Variants in NEO1 observed in about 807,000 individuals in gnomAD.
NEO1 encodes the protein neogenin 1, also known as neogenin.
In NEO1, 63 loss-of-function variants were observed where a neutral mutation model predicts 159.7. That is an observed-to-expected ratio of 0.39 (90% CI 0.32 to 0.49). NEO1 has a LOEUF of 0.49. Ranked by LOEUF, NEO1 falls within the 20% of genes least tolerant of loss-of-function variation. The pLI, the probability that NEO1 is intolerant of heterozygous loss-of-function variation, is 0.85. For synonymous variants in NEO1, 633 were observed against 662.0 expected (o/e 0.96, Z 0.67); for missense variants, 1,615 against 1,831.0 (o/e 0.88, Z 2.15).
chr15:73,230,110 G>C (rs2038819557), intron 7 of NEO1, among the ~76,000 whole-genome samples: 1 of 152,154 alleles, frequency 6.6e-6, no homozygotes, highest in South Asian at 2.1e-4. Flanking sequence ...AAAAGTTTGT[G>C]AAGGATTAGT....
At chr15:73,215,395 G>C (rs2150717744) in intron 7 of NEO1, among the ~76,000 whole-genome samples, 1 of 152,288 alleles carries the variant, frequency 6.6e-6, no homozygotes, top group South Asian at 2.1e-4. Context: ...TCCCCATTCA[G>C]TATTATATTG....
At chr15:73,136,635 ACTGCAAGGGTAGTTGTT>A (rs1156455601) in intron 5 of NEO1, among the ~76,000 whole-genome samples, 1 of 152,028 alleles carries the variant, frequency 6.6e-6, no homozygotes. Context: ...TCTGATAATC[ACTGCAAGGGTAGTTGTT>A]CTTCCTTTTT....
intron 16 of NEO1, among the ~76,000 whole-genome samples, chr15:73,266,661 A>G (rs1271509684): frequency 6.6e-6 from 1 of 152,014 alleles, no homozygotes; most frequent in Non-Finnish European, 1.5e-5. Context: ...TTAATCTGTT[A>G]GGATGTGGAA....
At chr15:73,284,161 A>AG (rs1418160985) in intron 23 of NEO1, among the ~76,000 whole-genome samples, 2 of 136,336 alleles carry the variant, frequency 1.5e-5, no homozygotes, top group Non-Finnish European at 3.3e-5. Flanking sequence ...CAAAATAGAT[A>AG]GAAAAAAAAA....
intron 26 of NEO1, among the ~76,000 whole-genome samples, chr15:73,296,744 C>G (rs1030057195): frequency 6.6e-6 from 1 of 152,068 alleles, no homozygotes; most frequent in Non-Finnish European, 1.5e-5. Context: ...ATCTGATAAC[C>G]GAGACAGCTA....
At chr15:73,243,315 C>A (rs1305564307) in intron 8 of NEO1, among the ~76,000 whole-genome samples, 1 of 152,112 alleles carries the variant, frequency 6.6e-6, no homozygotes, top group African/African-American at 2.4e-5. Context: ...TAGACCTACA[C>A]AAATTTTAAT....
intron 1 of NEO1, among the ~76,000 whole-genome samples, chr15:73,068,337 C>CAGCCTCCA (rs55997708): frequency 6.6e-6 from 1 of 150,754 alleles, no homozygotes; most frequent in Non-Finnish European, 1.5e-5. Context: ...TTCTAGTGCC[C>CAGCCTCCA]AATAGCTGGG....
chr15:73,134,643 C>T (rs1485674186), intron 4 of NEO1, among the ~76,000 whole-genome samples: 7 of 151,748 alleles, frequency 4.6e-5, no homozygotes, highest in South Asian at 2.1e-4. Flanking sequence ...CTCCGCTTCC[C>T]GGGTTCAAGC....
At chr15:73,074,902 A>G (rs1431143930) in intron 1 of NEO1, among the ~76,000 whole-genome samples, 1 of 152,208 alleles carries the variant, frequency 6.6e-6, no homozygotes, top group African/African-American at 2.4e-5. Context: ...TGATCATGAG[A>G]ACATGTTCCT....
At chr15:73,123,063 A>G (rs973333565) in intron 3 of NEO1, among the ~76,000 whole-genome samples, 3 of 151,946 alleles carry the variant, frequency 2.0e-5, no homozygotes, top group Non-Finnish European at 4.4e-5. Flanking sequence ...AGGCTGAGGA[A>G]GGAGAATTAC....
chr15:73,224,286 T>G (rs2150777305), intron 7 of NEO1, among the ~76,000 whole-genome samples: 1 of 152,306 alleles, frequency 6.6e-6, no homozygotes, highest in East Asian at 1.9e-4. Context: ...GACAGTGTGC[T>G]TAGGTGATGA....
intron 5 of NEO1, among the ~76,000 whole-genome samples, chr15:73,169,941 G>A (rs1948702686): frequency 6.6e-6 from 1 of 151,988 alleles, no homozygotes; most frequent in African/African-American, 2.4e-5. Flanking sequence ...GGTAAAGGAG[G>A]AAATAGGATG....
intron 25 of NEO1, among the ~76,000 whole-genome samples, chr15:73,291,127 G>T (rs893875043): frequency 6.6e-6 from 1 of 152,124 alleles, no homozygotes; most frequent in East Asian, 1.9e-4. Flanking sequence ...CCCTGGATGG[G>T]GTTCCCAGGT....
intron 1 of NEO1, among the ~76,000 whole-genome samples, chr15:73,097,640 C>T (rs887370629): frequency 2.6e-5 from 4 of 151,800 alleles, no homozygotes; most frequent in African/African-American, 4.8e-5. Flanking sequence ...GGATTACAGG[C>T]GCGAGCCACT....
intron 7 of NEO1, among the ~76,000 whole-genome samples, chr15:73,202,732 A>G (rs952953398): frequency 3.3e-5 from 5 of 152,190 alleles, no homozygotes; most frequent in African/African-American, 4.8e-5. Context: ...TATCACTGCT[A>G]TCCATCTCAA....
intron 14 of NEO1, among the ~76,000 whole-genome samples, chr15:73,259,634 A>G (rs150352011): frequency 2.8e-4 from 42 of 152,238 alleles, no homozygotes; most frequent in African/African-American, 9.9e-4. Flanking sequence ...GACAACAGAC[A>G]TGAGCCACCA....
intron 4 of NEO1, among the ~76,000 whole-genome samples, chr15:73,128,649 T>C (rs2030656331): frequency 6.6e-6 from 1 of 152,130 alleles, no homozygotes; most frequent in African/African-American, 2.4e-5. Flanking sequence ...AATGTCAGTT[T>C]ATGGTAAGTG....
At chr15:73,145,100 G>C (rs907067921) in intron 5 of NEO1, among the ~76,000 whole-genome samples, 1 of 152,028 alleles carries the variant, frequency 6.6e-6, no homozygotes, top group Non-Finnish European at 1.5e-5. Context: ...GATATAAATG[G>C]TGCTTACAAA....
chr15:73,262,456 A>T (rs2040662845), intron 15 of NEO1, among the ~76,000 whole-genome samples: 1 of 152,212 alleles, frequency 6.6e-6, no homozygotes, highest in South Asian at 2.1e-4. Context: ...ATTTGAACAG[A>T]CACTATACCA....
Sources: gnomAD v4.1 joint callset for allele counts (sites outside exome capture counted in the v4.1 genomes callset) on GRCh38, gnomAD v4.1.1 for gene constraint, MANE v1.5 for transcripts, NCBI Gene and HGNC (gene_info 2026-07-23, HGNC 2026-07-21) for gene names.